CCDC50: variants seen among roughly 807,000 people sequenced by gnomAD.
The protein encoded by CCDC50 is coiled-coil domain-containing protein 50.
In CCDC50, 54 loss-of-function variants were observed where a neutral mutation model predicts 70.2. The ratio of observed to expected loss-of-function variants is 0.77; its 90% CI spans 0.62 to 0.96. The LOEUF is 0.96. Ranked by LOEUF, CCDC50 falls within the 50% of genes least tolerant of loss-of-function variation. The pLI is 0.00. For missense variants in CCDC50, 558 were observed against 578.7 expected (o/e 0.96, Z 0.37); for synonymous variants, 216 against 198.8 (o/e 1.09, Z -0.73).
In CCDC50 at chr3:191,352,790, T is replaced by C. The variant is rs553853917; in HGVS notation, c.50-4298T>C. On this transcript the variant is annotated intron_variant, in intron 1 of 11. Transcript: ENST00000392455. ...TTAGATTAACATATTGAAACTCCTT[T>C]AATGAGAATGGGGATAGGGTTCTAG... Among the ~76,000 whole-genome samples, 28 of 141,952 alleles carry C rather than the reference T, an allele frequency of 2.0e-4. 3 individuals are homozygous for C. In the South Asian group the frequency reaches 6.0e-3, roughly 30 times the overall value. 93.1% of individuals were successfully genotyped at this position (141,952 alleles called of 152,430 possible).
At position 191,394,017 on chromosome 3, in the gene CCDC50, C is replaced by T. The variant is rs1287809956; in HGVS notation, c.*2257C>T. The T allele has an allele frequency of 6.6e-6, 1 of 151,802 alleles. No individual in the cohort carries two copies. 9.4% of individuals were successfully genotyped at this position (151,802 alleles called of 1,614,324 possible). A position where few individuals can be genotyped will look rare whatever the true frequency, so the allele number is the denominator to read the frequency against. ...TCTCTTGCCTCTCATGTACTTCATC[C>T]AGTTATTTATTATTGTAAAATGTTA... On this transcript the variant is annotated 3_prime_UTR_variant, in exon 12 of 12. Transcript: ENST00000392455.
At chr3:191,349,344 C>T (rs1467287199) in intron 1 of CCDC50, among the ~76,000 whole-genome samples, 3 of 141,998 alleles carry the variant, frequency 2.1e-5, no homozygotes, top group African/African-American at 7.5e-5. Flanking sequence ...TTACAAAATA[C>T]GTTTATTATT....
chr3:191,388,553 C>G (rs1417126140), intron 10 of CCDC50, among the ~76,000 whole-genome samples: 4 of 152,184 alleles, frequency 2.6e-5, no homozygotes, highest in African/African-American at 9.6e-5. Context: ...ATGCTGACCT[C>G]TTCGGGATGC....
intron 4 of CCDC50, among the ~76,000 whole-genome samples, chr3:191,366,627 G>A (rs1485479680): frequency 6.6e-6 from 1 of 151,822 alleles, no homozygotes; most frequent in African/African-American, 2.4e-5. Context: ...GTGAACAGAA[G>A]CTTCTGTCAT....
chr3:191,370,117 C>A, intron 5 of CCDC50, 81 bp downstream of exon 5: 1 of 966,486 alleles, frequency 1.0e-6, no homozygotes. Flanking sequence ...ATAAAGTGAC[C>A]TTAGGGACCT....
chr3:191,370,598 C>T (rs1401162517), intron 5 of CCDC50, among the ~76,000 whole-genome samples: 1 of 151,444 alleles, frequency 6.6e-6, no homozygotes, highest in African/African-American at 2.4e-5. Context: ...AAGCAGTTGT[C>T]CTCCCTCAGC....
chr3:191,337,619 A>G lies in CCDC50; in HGVS notation c.49+7896A>G, dbSNP rs561662851. 1.2e-4 allele frequency among the ~76,000 whole-genome samples: 18 copies of G among 152,204 alleles called. No individual in the cohort carries two copies. The South Asian group carries it at 3.3e-3, about 28-fold the overall frequency. The stretch of plus-strand genomic sequence containing the variant: ...CGGCCTCCCAAAGTGCTGGGATTAC[A>G]AGCATTAGCCACTGCACCCAGCCTC... On this transcript the variant is annotated intron_variant, in intron 1 of 11. Transcript: ENST00000392455.
At chr3:191,381,819 T>C (rs1713331377) in intron 9 of CCDC50, among the ~76,000 whole-genome samples, 1 of 152,110 alleles carries the variant, frequency 6.6e-6, no homozygotes. Context: ...TGGTCTCTCT[T>C]GAACAAATTC....
intron 1 of CCDC50, chr3:191,330,319 ACACAC>A (rs1560151809): frequency 5.2e-5 from 8 of 153,898 alleles, no homozygotes; most frequent in South Asian, 4.1e-4. Context: ...ACACACACAC[ACACAC>A]ACACAATAGT....
chr3:191,389,409 A>C, intron 10 of CCDC50, 87 bp from the exon 11 acceptor site: 1 of 1,156,308 alleles, frequency 8.6e-7, no homozygotes, highest in South Asian at 1.2e-5. Flanking sequence ...TCACAAGAAA[A>C]TGTTTTTAGC....
intron 3 of CCDC50, 88 bp downstream of exon 3, chr3:191,358,212 CTG>C: frequency 6.8e-6 from 10 of 1,474,378 alleles, no homozygotes; most frequent in Non-Finnish European, 9.4e-6. Context: ...GAGACTACTT[CTG>C]TTCCTCTGAT....
chr3:191,343,220 T>TA (rs1711795432), intron 1 of CCDC50, among the ~76,000 whole-genome samples: 1 of 152,212 alleles, frequency 6.6e-6, no homozygotes. Flanking sequence ...TGACTGTACT[T>TA]ATGATGGCTA....
chr3:191,358,427 A>C (rs1304322566), intron 3 of CCDC50, among the ~76,000 whole-genome samples: 1 of 152,176 alleles, frequency 6.6e-6, no homozygotes, highest in Admixed American at 6.5e-5. Context: ...TAACATGCGG[A>C]TAATAATCTC....
chr3:191,329,821 C>A (rs1322985188), intron 1 of CCDC50, 98 bp downstream of exon 1: 2 of 1,264,566 alleles, frequency 1.6e-6, no homozygotes, highest in African/African-American at 1.5e-5. Flanking sequence ...CCGCGGCCCT[C>A]GCCCGGTGCC....
At chr3:191,381,082 T>C (rs771522070) in intron 9 of CCDC50, 150 bp downstream of exon 9, 24 of 703,108 alleles carry the variant, frequency 3.4e-5, no homozygotes, top group Non-Finnish European at 5.7e-5. Context: ...CTGTGAAGAT[T>C]CCATCACCAT....
chr3:191,378,975 T>C (rs1353120768), intron 6 of CCDC50, among the ~76,000 whole-genome samples: 1 of 152,088 alleles, frequency 6.6e-6, no homozygotes, highest in African/African-American at 2.4e-5. Context: ...TGTACAAAGG[T>C]GGGCTTCACA....
intron 5 of CCDC50, among the ~76,000 whole-genome samples, chr3:191,371,096 G>A (rs10513865): frequency 0.052 from 7,859 of 152,172 alleles, 415 homozygotes; most frequent in East Asian, 0.25. Context: ...TAGGCCGATG[G>A]TTTAGCCTGC....
At position 191,396,123 on chromosome 3, in the gene CCDC50, GAAAGAAAGAGT is replaced by G. The variant is rs540976847; in HGVS notation, c.*4367_*4377del. ...TGAAATTTAATTGTAGAGAAGTCAAGAAAGAAAGAGTAAACTGAGAAAATCTTACTACTACA... is the reference window on the plus strand; with the variant it reads ...TGAAATTTAATTGTAGAGAAGTCAAGAAACTGAGAAAATCTTACTACTACA... On this transcript the variant is annotated 3_prime_UTR_variant, in exon 12 of 12. Coordinates refer to ENST00000392455, the MANE Select transcript of CCDC50 (RefSeq NM_178335.3). 2.1e-3 allele frequency: 315 copies of G among 152,284 alleles called. No individual in the cohort carries two copies. Among genetic ancestry groups the G allele is most frequent in the African/African-American group, 7.3e-3 (303 of 41,572 alleles). 9.4% of individuals were successfully genotyped at this position (152,284 alleles called of 1,614,324 possible).
intron 1 of CCDC50, among the ~76,000 whole-genome samples, chr3:191,339,652 A>G (rs140790373): frequency 2.4e-4 from 36 of 152,312 alleles, no homozygotes; most frequent in African/African-American, 7.7e-4. Flanking sequence ...CTGAATATGG[A>G]AAGTGTTGAC....
Sources: gnomAD v4.1 joint callset for allele counts (sites outside exome capture counted in the v4.1 genomes callset) on GRCh38, gnomAD v4.1.1 for gene constraint, MANE v1.5 for transcripts, NCBI Gene and HGNC (gene_info 2026-07-23, HGNC 2026-07-21) for gene names.